The following MTA3 variants were observed in gnomAD, a reference collection of about 807,000 sequenced individuals.
MTA3 encodes the protein metastasis-associated protein MTA3.
Under a neutral mutation model 83.5 loss-of-function variants are expected in MTA3, and 34 were observed. The observed-to-expected ratio is 0.41, with a 90% CI of 0.31 to 0.54. The LOEUF is 0.54. MTA3 is among the 20% of genes least tolerant of loss of function. The pLI, the probability that MTA3 is intolerant of heterozygous loss-of-function variation, is 0.33. For synonymous variants in MTA3, 303 were observed against 252.7 expected (o/e 1.20, Z -1.89); for missense variants, 761 against 726.4 (o/e 1.05, Z -0.55).
intron 16 of MTA3, among the ~76,000 whole-genome samples, chr2:42,750,464 A>G (rs1669788457): frequency 6.6e-6 from 1 of 152,136 alleles, no homozygotes; most frequent in South Asian, 2.1e-4. Flanking sequence ...GGAGACTAAA[A>G]ATCAGAGTGA....
chr2:42,702,701 T>G (rs141398942), intron 11 of MTA3: 3 of 152,234 alleles, frequency 2.0e-5, no homozygotes, highest in African/African-American at 7.2e-5. Flanking sequence ...CAGAGACTTA[T>G]TTATTAGGCA....
At chr2:42,585,151 C>A (rs1174936249) in intron 3 of MTA3, among the ~76,000 whole-genome samples, 1 of 151,282 alleles carries the variant, frequency 6.6e-6, no homozygotes, top group Non-Finnish European at 1.5e-5. Context: ...TGCAATGGCG[C>A]GATCTCCGGC....
At chr2:42,667,570 T>TTA (rs770325715) in intron 8 of MTA3, among the ~76,000 whole-genome samples, 110,836 of 145,146 alleles carry the variant, frequency 0.76, 42,712 homozygotes, top group South Asian at 0.88. Flanking sequence ...CATTTAAAAA[T>TTA]TGTGTGTGTG....
chr2:42,695,954 G>C (rs562192596), intron 10 of MTA3, 115 bp downstream of exon 10: 2 of 639,100 alleles, frequency 3.1e-6, no homozygotes, highest in African/African-American at 3.8e-5. Flanking sequence ...ACTTTTTCCA[G>C]ACTACTTTAA....
intron 11 of MTA3, among the ~76,000 whole-genome samples, chr2:42,701,440 G>C: frequency 1.4e-5 from 1 of 69,546 alleles, no homozygotes; most frequent in Non-Finnish European, 2.7e-5. Context: ...AAAAAAAAAA[G>C]TAAATAAAGA....
chr2:42,699,703 T>G lies in MTA3; in HGVS notation c.1025+1869T>G, dbSNP rs78328756. Among the ~76,000 whole-genome samples the G allele has an allele frequency of 1.8e-3, 280 of 152,278 alleles. 2 individuals carry two copies. The highest frequency in any genetic ancestry group is 6.4e-3 in the African/African-American group (266 of 41,560). ...TGAAGTGGGTTGTCATGCTATTTGTTAAGCTCAGAAACTGTGGCAGAGAAT... is the reference window on the plus strand; with the variant it reads ...TGAAGTGGGTTGTCATGCTATTTGTGAAGCTCAGAAACTGTGGCAGAGAAT... On this transcript the variant is annotated intron_variant, in intron 11 of 16. Coordinates refer to ENST00000405094, the MANE Select transcript of MTA3 (RefSeq NM_001330442.2).
intron 6 of MTA3, among the ~76,000 whole-genome samples, chr2:42,645,175 CAAA>C (rs1224226672): frequency 2.5e-5 from 1 of 39,868 alleles, no homozygotes. Context: ...GACTCTGTCT[CAAA>C]AAAAAAAAAA....
intron 2 of MTA3, among the ~76,000 whole-genome samples, chr2:42,539,338 G>C (rs1275257411): frequency 6.6e-6 from 1 of 152,096 alleles, no homozygotes; most frequent in Non-Finnish European, 1.5e-5. Context: ...AAAAAAACAA[G>C]TCCTTCTTCA....
intron 3 of MTA3, among the ~76,000 whole-genome samples, chr2:42,583,199 T>A (rs1478493252): frequency 6.6e-6 from 1 of 152,204 alleles, no homozygotes; most frequent in Non-Finnish European, 1.5e-5. Flanking sequence ...TTGTTGATTA[T>A]CCCTATGGGT....
chr2:42,713,031 A>G (rs1274313918), intron 14 of MTA3, among the ~76,000 whole-genome samples: 4 of 152,210 alleles, frequency 2.6e-5, no homozygotes, highest in Non-Finnish European at 5.9e-5. Flanking sequence ...TCAGCACTTG[A>G]GACTCAGGAT....
chr2:42,538,148 G>A (rs1169493536), intron 2 of MTA3, among the ~76,000 whole-genome samples: 1 of 151,964 alleles, frequency 6.6e-6, no homozygotes, highest in Non-Finnish European at 1.5e-5. Flanking sequence ...CAGGAGAATG[G>A]CGTGAACCCG....
At chr2:42,541,743 T>C (rs1676523863) in intron 2 of MTA3, among the ~76,000 whole-genome samples, 1 of 152,240 alleles carries the variant, frequency 6.6e-6, no homozygotes, top group South Asian at 2.1e-4. Flanking sequence ...GATTAGGTTA[T>C]AGCTGTCAGT....
intron 3 of MTA3, among the ~76,000 whole-genome samples, chr2:42,608,699 A>G (rs1442532191): frequency 6.6e-6 from 1 of 152,146 alleles, no homozygotes; most frequent in African/African-American, 2.4e-5. Context: ...CCTGGGCAAC[A>G]TGGTGTAACG....
At chr2:42,548,870 A>AT (rs70963330) in intron 2 of MTA3, among the ~76,000 whole-genome samples, 1 of 16,544 alleles carries the variant, frequency 6.0e-5, no homozygotes, top group Non-Finnish European at 9.6e-5. Flanking sequence ...ATATATATAT[A>AT]TATATAATAT....
chr2:42,522,245 G>A (rs913513895), intron 2 of MTA3, among the ~76,000 whole-genome samples: 1 of 152,182 alleles, frequency 6.6e-6, no homozygotes, highest in Non-Finnish European at 1.5e-5. Context: ...GATATGCAAA[G>A]AGGATCCTCA....
intron 8 of MTA3, among the ~76,000 whole-genome samples, chr2:42,674,109 C>G (rs139109299): frequency 6.6e-6 from 1 of 152,310 alleles, no homozygotes; most frequent in Non-Finnish European, 1.5e-5. Flanking sequence ...CCTCCATGGA[C>G]AAAACTCAGT....
At position 42,576,829 on chromosome 2, in the gene MTA3, G is replaced by A. The variant is rs561545800; in HGVS notation, c.97-2278G>A. ...GGAGAATCGCTTGAACCCATGAGGC[G>A]GAAGTTGCAGTGAGCTGAGATCGTG... On this transcript the variant is annotated intron_variant, in intron 2 of 16. Transcript: ENST00000405094. Among the ~76,000 whole-genome samples the A allele has an allele frequency of 1.9e-4, 29 of 152,214 alleles. No homozygotes were observed. The East Asian group carries it at 4.6e-3, about 24-fold the overall frequency.
intron 2 of MTA3, among the ~76,000 whole-genome samples, chr2:42,523,546 C>T (rs558409166): frequency 6.6e-5 from 10 of 152,290 alleles, no homozygotes; most frequent in South Asian, 4.1e-4. Context: ...CCTAGACGCT[C>T]ATCTCAGTTG....
intron 9 of MTA3, among the ~76,000 whole-genome samples, chr2:42,691,746 CTT>C (rs1692919130): frequency 6.6e-6 from 1 of 152,090 alleles, no homozygotes. Flanking sequence ...GTCAGCAAGT[CTT>C]TATTTCTCCA....
Sources: gnomAD v4.1 joint callset for allele counts (sites outside exome capture counted in the v4.1 genomes callset) on GRCh38, gnomAD v4.1.1 for gene constraint, MANE v1.5 for transcripts, NCBI Gene and HGNC (gene_info 2026-07-23, HGNC 2026-07-21) for gene names.